The following ACTA1 variants were observed in gnomAD, a reference collection of about 807,000 sequenced individuals.
The protein encoded by ACTA1 is actin alpha 1, skeletal muscle.
In ACTA1, 25 loss-of-function variants were observed where a neutral mutation model predicts 35.8. That is an observed-to-expected ratio of 0.70 (90% CI 0.51 to 0.97). ACTA1 has a LOEUF of 0.97. Among genes scored for constraint, ACTA1 ranks in the 50% least tolerant of loss-of-function variants. ACTA1 has a pLI of 0.00. For missense variants in ACTA1, 174 were observed against 533.0 expected (o/e 0.33, Z 6.63); for synonymous variants, 219 against 217.1 (o/e 1.01, Z -0.08).
In ACTA1 at chr1:229,433,120, T is replaced by A. The variant is rs1303973296; in HGVS notation, c.-5A>T. 1 of 1,613,998 alleles carries A rather than the reference T, an allele frequency of 6.2e-7. No homozygotes were observed. Among genetic ancestry groups the A allele is most frequent in the Admixed American group, 1.7e-5 (1 of 60,022 alleles). ...GGTCTCGTCTTCGTCGCACATTGTG[T>A]CTAGTTTCTGCAAGGACAGGGAGAC... On this transcript the variant is annotated 5_prime_UTR_variant, in exon 2 of 7. Coordinates refer to ENST00000366684, the MANE Select transcript of ACTA1 (RefSeq NM_001100.4).
At position 229,431,683 on chromosome 1, in the gene ACTA1, G is replaced by A; in HGVS notation, c.990+38C>T. On this transcript the variant is annotated intron_variant, in intron 6 of 6. Transcript: ENST00000366684. This position sits in a 1 kb window ranked among gnomAD's most constrained non-coding sequence, Gnocchi z 7.1. The stretch of plus-strand genomic sequence containing the variant: ...TGAGGTGGGGAGACCTCACCCTGGA[G>A]CCCACCCCGCCGACAGCCCGCGCAG... The A allele has an allele frequency of 6.2e-7, 1 of 1,613,790 alleles. No individual in the cohort carries two copies. Among genetic ancestry groups the A allele is most frequent in the Non-Finnish European group, 8.5e-7 (1 of 1,179,968 alleles).
In ACTA1 at chr1:229,432,537, G is replaced by A. The variant is rs1170621135; in HGVS notation, c.454+19C>T. 6.3e-7 allele frequency: 1 copy of A among 1,596,244 alleles called. No individual in the cohort carries two copies. Among genetic ancestry groups the A allele is most frequent in the Non-Finnish European group, 8.5e-7 (1 of 1,172,234 alleles). On this transcript the variant is annotated intron_variant, in intron 3 of 6. Transcript: ENST00000366684. ...GGGGGCGGGGGCGGGAGAGGGGACT[G>A]GGGGCAGCGGGCACTCACCGGTGGT...
intron 1 of ACTA1, 105 bp from the exon 2 acceptor site, chr1:229,433,232 A>T: frequency 6.7e-7 from 1 of 1,493,934 alleles, no homozygotes; most frequent in Non-Finnish European, 9.3e-7. Context: ...CCTCCCCAGG[A>T]ACCTAGGGAC....
In ACTA1 at chr1:229,432,025, G is replaced by A; in HGVS notation, c.777C>T (p.Cys259=). The A allele has an allele frequency of 4.3e-6, 7 of 1,611,830 alleles. No homozygotes were observed. Among genetic ancestry groups the A allele is most frequent in the Non-Finnish European group, 5.9e-6 (7 of 1,179,610 alleles). The change falls in exon 5 of 7, where the codon TGC becomes TGT. Residue 259 remains cysteine (C), a synonymous_variant. Coordinates refer to ENST00000366684, the MANE Select transcript of ACTA1 (RefSeq NM_001100.4). Reference sequence around the variant, plus strand: ...AGGAGGGCTGGAAGAGCGTCTCCGGGCAGCGGAAGCGCTCGTTGCCGATGG... The same window carrying A: ...AGGAGGGCTGGAAGAGCGTCTCCGGACAGCGGAAGCGCTCGTTGCCGATGG... ...VITIGNERFR[C]PETLFQPSFI...
chr1:229,433,451 G>T (rs1472627448), intron 1 of ACTA1, among the ~76,000 whole-genome samples: 2 of 152,194 alleles, frequency 1.3e-5, no homozygotes, highest in Non-Finnish European at 2.9e-5. Flanking sequence ...CCAGGAGCTG[G>T]ACGCTAGTGC....
rs1210728495 is a variant in ACTA1, at chr1:229,431,610, C to A, written c.1023G>T (p.Val341=). 1.2e-6 allele frequency: 2 copies of A among 1,614,168 alleles called. No individual in the cohort carries two copies. Among genetic ancestry groups the A allele is most frequent in the South Asian group, 2.2e-5 (2 of 91,082 alleles). Residue 341 remains valine, a synonymous_variant, in exon 7 of 7, where the codon GTG becomes GTT. Transcript: ENST00000366684. The surrounding 1 kb of genome is among the most constrained non-coding windows in gnomAD (Gnocchi z 7.1). ...IIAPPERKYS[V]WIGGSILASL... ...AGGCCAGGATGGAGCCGCCGATCCA[C>A]ACCGAGTATTTGCGCTCCGGCGGGG... is the stretch of plus-strand genomic sequence containing the variant.
chr1:229,432,259 G>A lies in ACTA1; in HGVS notation c.616+11C>T. On this transcript the variant is annotated intron_variant, in intron 4 of 6. Coordinates refer to ENST00000366684, the MANE Select transcript of ACTA1 (RefSeq NM_001100.4). ...CGGCCCTCCCGCCCGGGGTGCAGGG[G>A]CGCCGCGCACCTGTGGTCACGAAGG... 6.2e-7 allele frequency: 1 copy of A among 1,613,524 alleles called. No homozygotes were observed. The highest frequency in any genetic ancestry group is 8.5e-7 in the Non-Finnish European group (1 of 1,179,712).
chr1:229,433,275 G>T, intron 1 of ACTA1, 148 bp from the exon 2 acceptor site: 1 of 1,196,198 alleles, frequency 8.4e-7, no homozygotes, highest in Non-Finnish European at 1.2e-6. Flanking sequence ...ATTCTGCCAG[G>T]GCGGCGACCA....
chr1:229,434,068 G>A lies in ACTA1; in HGVS notation c.-77C>T, dbSNP rs1405235552. On this transcript the variant is annotated 5_prime_UTR_variant, in exon 1 of 7. Transcript: ENST00000366684. ...CTGGTCGCCGCGGAGGGGAAGCGAG[G>A]CTTCACTTGGCGCTGTCCGCTGCGG... is the stretch of plus-strand genomic sequence containing the variant. The A allele has an allele frequency of 6.6e-6, 1 of 152,482 alleles. No individual in the cohort carries two copies. The highest frequency in any genetic ancestry group is 1.9e-4 in the East Asian group (1 of 5,206). The allele number at this position is 152,482 out of a possible 1,614,324, so 9.4% of individuals were successfully genotyped here.
In ACTA1 at chr1:229,431,853, C is replaced by G; in HGVS notation, c.858G>C (p.Lys286Asn). ...GGTCCTTCCTGATGTCGATGTCACA[C>G]TTCATGATGCTGTTGTAGGTGGTCT... Reference protein sequence around the residue: ...IHETTYNSIMKCDIDIRKDLY... With the variant: ...IHETTYNSIMNCDIDIRKDLY... Residue 286 changes from lysine (K) to asparagine (N), a missense_variant, in exon 6 of 7, where the codon AAG becomes AAC. Transcript: ENST00000366684. The surrounding 1 kb of genome is among the most constrained non-coding windows in gnomAD (Gnocchi z 7.1). 1 of 1,614,096 alleles carries G rather than the reference C, an allele frequency of 6.2e-7. No homozygotes were observed. Among genetic ancestry groups the G allele is most frequent in the Non-Finnish European group, 8.5e-7 (1 of 1,180,008 alleles).
rs749499154 is a variant in ACTA1 at position 229,432,614 on chromosome 1, G to C, written c.396C>G (p.Pro132=). The C allele has an allele frequency of 1.2e-6, 2 of 1,614,032 alleles. No individual in the cohort carries two copies. The highest frequency in any genetic ancestry group is 1.3e-5 in the African/African-American group (1 of 75,018). The part of the protein sequence containing the change: ...TQIMFETFNV[P]AMYVAIQAVL... ...CGGCCTGGATGGCCACGTACATGGC[G>C]GGCACGTTGAAGGTCTCAAACATGA... Residue 132 remains proline (P), a synonymous_variant, in exon 3 of 7, where the codon CCC becomes CCG. Coordinates refer to ENST00000366684, the MANE Select transcript of ACTA1 (RefSeq NM_001100.4).
chr1:229,432,247 C>T (rs771519531), intron 4 of ACTA1, 23 bp downstream of exon 4: 16 of 1,613,078 alleles, frequency 9.9e-6, no homozygotes, highest in East Asian at 2.2e-5. Context: ...CCCTCCCGCC[C>T]GGGGTGCAGG....
rs1267307077 is a variant in ACTA1 at position 229,432,179 on chromosome 1, C to A, written c.623G>T (p.Arg208Leu). ...CTCCTTGATGTCGCGCACGATCTCG[C>A]GCTCAGCTGCGGAGGGCAGAAGCAG... ...RGYSFVTTAE[R>L]EIVRDIKEKL... The change falls in exon 5 of 7, where the codon CGC (arginine) becomes CTC (leucine). Residue 208 changes from arginine to leucine, a missense_variant. Arg to Leu is a moderately radical substitution (Grantham distance 102). Coordinates refer to ENST00000366684, the MANE Select transcript of ACTA1 (RefSeq NM_001100.4). The A allele has an allele frequency of 6.2e-7, 1 of 1,613,574 alleles. No homozygotes were observed.
rs1659987256 is a variant in ACTA1 at position 229,433,085 on chromosome 1, C to T, written c.31G>A (p.Val11Met). Residue 11 changes from valine to methionine, a missense_variant, in exon 2 of 7, where the codon GTG (valine) becomes ATG (methionine). Transcript: ENST00000366684. ...ACCAGGCCGGAGCCATTGTCGCACA[C>T]GAGGGCGGTGGTCTCGTCTTCGTCG... MCDEDETTAL[V>M]CDNGSGLVKA... is the part of the protein sequence containing the mutation. 2 of 1,614,144 alleles carry T rather than the reference C, an allele frequency of 1.2e-6. No homozygotes were observed. Among genetic ancestry groups the T allele is most frequent in the Non-Finnish European group, 1.7e-6 (2 of 1,179,988 alleles).
chr1:229,432,206 A>T, intron 4 of ACTA1, 21 bp from the exon 5 acceptor site: 1 of 1,613,116 alleles, frequency 6.2e-7, no homozygotes, highest in Non-Finnish European at 8.5e-7. Context: ...CAGAAGCAGG[A>T]GAGGAGCCCT....
rs1571894204 is a variant in ACTA1, at chr1:229,433,065, G to T, written c.51C>A (p.Gly17=). 2 of 1,614,122 alleles carry T rather than the reference G, an allele frequency of 1.2e-6. No homozygotes were observed. The highest frequency in any genetic ancestry group is 1.7e-6 in the Non-Finnish European group (2 of 1,179,970). The change falls in exon 2 of 7, where the codon GGC becomes GGA. Residue 17 remains glycine, a synonymous_variant. Coordinates refer to ENST00000366684, the MANE Select transcript of ACTA1 (RefSeq NM_001100.4). Reference sequence around the variant, plus strand: ...CCCCGGCGAAGCCGGCTTTCACCAGGCCGGAGCCATTGTCGCACACGAGGG... The same window carrying T: ...CCCCGGCGAAGCCGGCTTTCACCAGTCCGGAGCCATTGTCGCACACGAGGG... ...TTALVCDNGS[G]LVKAGFAGDD...
chr1:229,433,256 G>T, intron 1 of ACTA1, 129 bp from the exon 2 acceptor site: 1 of 1,362,496 alleles, frequency 7.3e-7, no homozygotes, highest in Non-Finnish European at 1.0e-6. Flanking sequence ...TCCTGCCGGA[G>T]CCACTCAAAT....
chr1:229,431,341 G>A lies in ACTA1; in HGVS notation c.*158C>T. On this transcript the variant is annotated 3_prime_UTR_variant, in exon 7 of 7. Coordinates refer to ENST00000366684, the MANE Select transcript of ACTA1 (RefSeq NM_001100.4). This position sits in a 1 kb window ranked among gnomAD's most constrained non-coding sequence, Gnocchi z 7.1. ...GAAAAATAACAAAATGAGGTAATAA[G>A]TTAATGTATGTACACGTTATAAACA... 2 of 992,792 alleles carry A rather than the reference G, an allele frequency of 2.0e-6. No individual in the cohort carries two copies. Among genetic ancestry groups the A allele is most frequent in the African/African-American group, 1.6e-5 (1 of 62,350 alleles). The allele number at this position is 992,792 out of a possible 1,614,324, so 61.5% of individuals were successfully genotyped here.
chr1:229,432,749 G>A lies in ACTA1; in HGVS notation c.261C>T (p.Ile87=), dbSNP rs1659978021. 6.2e-7 allele frequency: 1 copy of A among 1,614,120 alleles called. No individual in the cohort carries two copies. Among genetic ancestry groups the A allele is most frequent in the African/African-American group, 1.3e-5 (1 of 74,938 alleles). ...GCTCGTTGTAGAAGGTGTGGTGCCA[G>A]ATCTTCTCCATGTCATCCCAGTTGG... The part of the protein sequence containing the change: ...IITNWDDMEK[I]WHHTFYNELR... Residue 87 remains isoleucine, a synonymous_variant, in exon 3 of 7, where the codon ATC becomes ATT. Transcript: ENST00000366684.
Sources: gnomAD v4.1 joint callset for allele counts (sites outside exome capture counted in the v4.1 genomes callset) on GRCh38, gnomAD v4.1.1 for gene constraint, Gnocchi (gnomAD v3.1) non-coding constraint, MANE v1.5 for transcripts, NCBI Gene and HGNC (gene_info 2026-07-23, HGNC 2026-07-21) for gene names.